The following AKAP13 variants were observed in gnomAD, a reference collection of about 807,000 sequenced individuals.
The protein encoded by AKAP13 is A-kinase anchor protein 13.
In AKAP13, 80 loss-of-function variants were observed where a neutral mutation model predicts 264.5. The observed-to-expected ratio is 0.30, with a 90% CI of 0.25 to 0.36. AKAP13 has a LOEUF of 0.36. AKAP13 is among the 10% of genes least tolerant of loss of function. The pLI is 1.00. For missense variants in AKAP13, 3,712 were observed against 3,435.2 expected (o/e 1.08, Z -2.01); for synonymous variants, 1,380 against 1,250.2 (o/e 1.10, Z -2.19).
At chr15:85,713,926 C>T (rs17575870) in intron 19 of AKAP13, among the ~76,000 whole-genome samples, 23,640 of 152,152 alleles carry the variant, frequency 0.16, 2,282 homozygotes, top group Non-Finnish European at 0.22. Context: ...CCAGTTTCCT[C>T]TTTAGTCATG....
Position 85,580,432 on chromosome 15 carries a change from A to T in AKAP13, c.2364A>T (p.Ala788=). ...TATCAGACAGTACTTTCTCTCTGGC[A>T]AACAGTCCAGGCAGTGAATCAGTAA... is the stretch of plus-strand genomic sequence containing the variant. The part of the protein sequence containing the change: ...AVISDSTFSL[A]NSPGSESVTK... Residue 788 remains alanine, a synonymous_variant, in exon 7 of 37, where the codon GCA becomes GCT. Coordinates refer to ENST00000394518, the MANE Select transcript of AKAP13 (RefSeq NM_007200.5). 1.2e-6 allele frequency: 2 copies of T among 1,614,234 alleles called. No homozygotes were observed. The highest frequency in any genetic ancestry group is 1.7e-6 in the Non-Finnish European group (2 of 1,180,040).
intron 2 of AKAP13, among the ~76,000 whole-genome samples, chr15:85,497,486 G>GCTCT (rs2075903896): frequency 6.6e-6 from 1 of 152,180 alleles, no homozygotes; most frequent in South Asian, 2.1e-4. Context: ...CAGAGTGAGA[G>GCTCT]GAGGAAGCAC....
At chr15:85,740,476 C>T (rs533640964) in intron 34 of AKAP13, 22 of 566,038 alleles carry the variant, frequency 3.9e-5, no homozygotes, top group East Asian at 2.3e-4. Flanking sequence ...GCTGGTGTGC[C>T]GTAGGCATGG....
chr15:85,513,283 C>T (rs1011464081), intron 2 of AKAP13, among the ~76,000 whole-genome samples: 1 of 152,142 alleles, frequency 6.6e-6, no homozygotes, highest in Non-Finnish European at 1.5e-5. Context: ...GCTTTCTTCA[C>T]ATCTGTATTG....
At chr15:85,647,634 A>C (rs2082615502) in intron 10 of AKAP13, among the ~76,000 whole-genome samples, 2 of 152,134 alleles carry the variant, frequency 1.3e-5, no homozygotes, top group South Asian at 4.1e-4. Context: ...CTTGACAAAA[A>C]ATTCTATGAA....
intron 5 of AKAP13, among the ~76,000 whole-genome samples, chr15:85,574,269 G>A (rs554187448): frequency 2.0e-5 from 3 of 152,306 alleles, no homozygotes; most frequent in East Asian, 1.9e-4. Context: ...CCTGTTTATT[G>A]TATGCCCCAA....
Position 85,584,823 on chromosome 15 carries a change from A to G in AKAP13, c.4040-879A>G, listed in dbSNP as rs1035896108. On this transcript the variant is annotated intron_variant, in intron 7 of 36. Transcript: ENST00000394518. ...GCCAGAGTAGTGGCATCACTAGGTT[A>G]ATAACCACAGATGCATTTCCACATG... is the stretch of plus-strand genomic sequence containing the variant. Among the ~76,000 whole-genome samples, 17 of 152,314 alleles carry G rather than the reference A, an allele frequency of 1.1e-4. 1 individual carries two copies. The South Asian group carries it at 1.9e-3, about 17-fold the overall frequency.
intron 1 of AKAP13, among the ~76,000 whole-genome samples, chr15:85,462,840 T>C (rs1371745008): frequency 3.3e-5 from 5 of 150,894 alleles, no homozygotes; most frequent in African/African-American, 4.9e-5. Context: ...CCGGCTAAAA[T>C]GATGAAACCC....
chr15:85,719,896 CAG>C, intron 23 of AKAP13, among the ~76,000 whole-genome samples: 1 of 148,178 alleles, frequency 6.7e-6, no homozygotes, highest in East Asian at 2.0e-4. Flanking sequence ...GCCTGGGAGA[CAG>C]AGTGATACTC....
chr15:85,543,138 C>A (rs902736496), intron 4 of AKAP13, among the ~76,000 whole-genome samples: 2 of 152,144 alleles, frequency 1.3e-5, no homozygotes, highest in African/African-American at 4.8e-5. Context: ...TAGAGTTAGT[C>A]TTCCTTATTG....
chr15:85,627,643 T>C (rs1486542502), intron 8 of AKAP13: 1 of 152,254 alleles, frequency 6.6e-6, no homozygotes, highest in Non-Finnish European at 1.5e-5. Flanking sequence ...CCTGTTGTTC[T>C]TCCTTGCTCA....
At chr15:85,674,631 C>T (rs1368789322) in intron 14 of AKAP13, among the ~76,000 whole-genome samples, 2 of 152,144 alleles carry the variant, frequency 1.3e-5, no homozygotes, top group Non-Finnish European at 2.9e-5. Flanking sequence ...TAGACTATGA[C>T]AGCTAAGGCC....
chr15:85,624,489 C>T (rs1348901109), intron 8 of AKAP13: 1 of 152,000 alleles, frequency 6.6e-6, no homozygotes, highest in African/African-American at 2.4e-5. Flanking sequence ...GTCCGCATTG[C>T]AACAAAACAA....
At position 85,562,691 on chromosome 15, in the gene AKAP13, CT is replaced by C. The variant is rs10598092; in HGVS notation, c.663-12419del. 1.7e-3 allele frequency among the ~76,000 whole-genome samples: 175 copies of C among 100,498 alleles called. 4 individuals carry two copies. Among genetic ancestry groups the C allele is most frequent in the East Asian group, 9.2e-3 (35 of 3,804 alleles). 65.9% of individuals were successfully genotyped at this position (100,498 alleles called of 152,430 possible). On this transcript the variant is annotated intron_variant, in intron 5 of 36. Transcript: ENST00000394518. ...CCTTTTCTTTCTTTTCTTTTCTTTT[CT>C]TTTTTTTTTTTTTTTTTTTTGAGAC... is the stretch of plus-strand genomic sequence containing the variant.
rs2082200720 is a variant in AKAP13, at chr15:85,639,299, A to G, written c.4162-75A>G. On this transcript the variant is annotated intron_variant, in intron 8 of 36. Transcript: ENST00000394518. ...AAAAGATAGGAATGTTGGTCAGTTG[A>G]CATAATTTTGGCACCTGTAAAATTA... 4.9e-6 allele frequency: 5 copies of G among 1,013,408 alleles called. No homozygotes were observed. The East Asian group carries it at 1.2e-4, about 24-fold the overall frequency. The allele number at this position is 1,013,408 out of a possible 1,614,324, so 62.8% of individuals were successfully genotyped here. A position where few individuals can be genotyped will look rare whatever the true frequency, so the allele number is the denominator to read the frequency against.
At chr15:85,568,101 G>C (rs2078674570) in intron 5 of AKAP13, among the ~76,000 whole-genome samples, 2 of 151,930 alleles carry the variant, frequency 1.3e-5, no homozygotes, top group African/African-American at 4.8e-5. Flanking sequence ...AGGAGTTCAC[G>C]ACCAGCCTGG....
chr15:85,577,175 A>G (rs1394710210), intron 6 of AKAP13, among the ~76,000 whole-genome samples: 2 of 152,206 alleles, frequency 1.3e-5, no homozygotes, highest in Admixed American at 6.5e-5. Flanking sequence ...TTACACTTGT[A>G]CATATAAACT....
Position 85,721,948 on chromosome 15 carries a change from T to C in AKAP13, c.6253-43T>C, listed in dbSNP as rs1597174832. 4.3e-6 allele frequency: 7 copies of C among 1,609,940 alleles called. No homozygotes were observed. The East Asian group carries it at 1.3e-4, about 31-fold the overall frequency. On this transcript the variant is annotated intron_variant, in intron 23 of 36. Coordinates refer to ENST00000394518, the MANE Select transcript of AKAP13 (RefSeq NM_007200.5). ...ACATTTTACAAAATGGTATTATGAGTTTGGCGCCCCATGGCATAACTTCTG... is the reference window on the plus strand; with the variant it reads ...ACATTTTACAAAATGGTATTATGAGCTTGGCGCCCCATGGCATAACTTCTG...
At chr15:85,692,404 A>G (rs1165028323) in intron 16 of AKAP13, among the ~76,000 whole-genome samples, 2 of 152,118 alleles carry the variant, frequency 1.3e-5, no homozygotes, top group Non-Finnish European at 2.9e-5. Flanking sequence ...TTTTGTGATT[A>G]CTCCCATTTG....
Sources: allele counts gnomAD v4.1 joint callset (sites outside exome capture counted in the v4.1 genomes callset), GRCh38; gene constraint gnomAD v4.1.1; transcripts MANE v1.5; gene names NCBI Gene and HGNC (gene_info 2026-07-23, HGNC 2026-07-21).